CHRM3: variants seen among roughly 807,000 people sequenced by gnomAD.
CHRM3 encodes muscarinic acetylcholine receptor M3.
Under a neutral mutation model 41.8 loss-of-function variants are expected in CHRM3, and 11 were observed. That is an observed-to-expected ratio of 0.26 (90% confidence interval 0.17 to 0.44). CHRM3 has a LOEUF of 0.44. Ranked by LOEUF, CHRM3 falls within the 20% of genes least tolerant of loss-of-function variation. The pLI is 1.00. For synonymous variants in CHRM3, 297 were observed against 301.4 expected, an observed-to-expected ratio of 0.99 and a Z score of 0.15; for missense variants, 571 against 745.4, an observed-to-expected ratio of 0.77 and a Z score of 2.72.
At chr1:239,610,099 A>C (rs1214344967) in intron 3 of CHRM3, among the ~76,000 whole-genome samples, 2 of 148,210 alleles carry the variant, frequency 1.3e-5, no homozygotes, top group East Asian at 4.2e-4. Flanking sequence ...AGGCTGAGGC[A>C]GGAGAATGGC....
At chr1:239,903,023 T>C (rs1679700966) in intron 6 of CHRM3, among the ~76,000 whole-genome samples, 1 of 152,208 alleles carries the variant, frequency 6.6e-6, no homozygotes, top group Non-Finnish European at 1.5e-5. Flanking sequence ...CAATGGTAGA[T>C]ATGACAAAGA....
intron 5 of CHRM3, among the ~76,000 whole-genome samples, chr1:239,721,709 A>G (rs1443950450): frequency 6.6e-6 from 1 of 151,952 alleles, no homozygotes; most frequent in Admixed American, 6.6e-5. Context: ...GGAATAGCCA[A>G]TAGGTATTAT....
rs929457862 is a variant in CHRM3, at chr1:239,908,009, T to C, written c.558T>C (p.Gly186=). ...YRAKRTTKRA[G]VMIGLAWVIS... ...CCAAACGAACAACAAAGAGAGCCGG[T>C]GTGATGATCGGTCTGGCTTGGGTCA... Residue 186 remains glycine (G), a synonymous_variant, in exon 7 of 7, where the codon GGT becomes GGC. Coordinates refer to ENST00000676153, the MANE Select transcript of CHRM3 (RefSeq NM_001375978.1). The surrounding 1 kb of genome is among the most constrained non-coding windows in gnomAD (Gnocchi z 7.2). 36 of 1,614,118 alleles carry C rather than the reference T, an allele frequency of 2.2e-5. No homozygotes were observed. Among genetic ancestry groups the C allele is most frequent in the Non-Finnish European group, 2.5e-5 (29 of 1,180,024 alleles).
At chr1:239,617,456 A>G (rs991343116) in intron 3 of CHRM3, among the ~76,000 whole-genome samples, 4 of 152,022 alleles carry the variant, frequency 2.6e-5, no homozygotes, top group Admixed American at 2.6e-4. Context: ...CAGGCGTGGG[A>G]GCTCACACCT....
At chr1:239,444,675 T>C (rs796425592) in intron 1 of CHRM3, among the ~76,000 whole-genome samples, 6 of 152,156 alleles carry the variant, frequency 3.9e-5, no homozygotes, top group African/African-American at 1.4e-4. Context: ...CAAAAGTAAT[T>C]GAAAGTAATG....
intron 6 of CHRM3, among the ~76,000 whole-genome samples, chr1:239,850,568 A>G (rs944343824): frequency 5.9e-5 from 9 of 152,330 alleles, no homozygotes; most frequent in Middle Eastern, 6.8e-3. Flanking sequence ...CCAGTCATCT[A>G]TGAAGAGTAG....
intron 1 of CHRM3, among the ~76,000 whole-genome samples, chr1:239,436,175 T>C (rs1329618219): frequency 6.6e-6 from 1 of 152,178 alleles, no homozygotes; most frequent in Non-Finnish European, 1.5e-5. Flanking sequence ...TTTAGCATTA[T>C]AGAAGACAGT....
chr1:239,409,531 T>G (rs925017962), intron 1 of CHRM3, among the ~76,000 whole-genome samples: 3 of 152,200 alleles, frequency 2.0e-5, no homozygotes, highest in African/African-American at 7.2e-5. Context: ...CTTTGGGCTC[T>G]GAATAGAATC....
chr1:239,761,051 C>CT (rs1311156508), intron 5 of CHRM3, among the ~76,000 whole-genome samples: 8 of 151,940 alleles, frequency 5.3e-5, no homozygotes, highest in South Asian at 2.1e-4. Flanking sequence ...CCACTGCTCA[C>CT]TTTTTTTTAA....
At chr1:239,552,893 A>G (rs1026605784) in intron 3 of CHRM3, among the ~76,000 whole-genome samples, 3 of 152,014 alleles carry the variant, frequency 2.0e-5, no homozygotes, top group South Asian at 2.1e-4. Context: ...TCGAAGATGA[A>G]CATTTCTGGA....
intron 3 of CHRM3, among the ~76,000 whole-genome samples, chr1:239,548,991 G>C (rs1659549506): frequency 6.6e-6 from 1 of 152,132 alleles, no homozygotes; most frequent in South Asian, 2.1e-4. Context: ...TATGTGGCTG[G>C]GGAGGCCTCA....
chr1:239,845,549 G>GTAGTTC (rs1674193261), intron 6 of CHRM3, among the ~76,000 whole-genome samples: 1 of 152,172 alleles, frequency 6.6e-6, no homozygotes, highest in Admixed American at 6.6e-5. Context: ...GCTGTGGCGT[G>GTAGTTC]TCACCCGCCC....
intron 3 of CHRM3, among the ~76,000 whole-genome samples, chr1:239,594,612 A>T (rs748076959): frequency 6.6e-6 from 1 of 152,176 alleles, no homozygotes; most frequent in African/African-American, 2.4e-5. Context: ...GCAATTTCAG[A>T]TACATTTTGG....
At chr1:239,525,747 A>AT (rs1157909588) in intron 2 of CHRM3, among the ~76,000 whole-genome samples, 7 of 152,180 alleles carry the variant, frequency 4.6e-5, no homozygotes, top group Non-Finnish European at 7.3e-5. Flanking sequence ...GCAGTGATGC[A>AT]TTTTTTCCAC....
chr1:239,892,908 A>C (rs2102954435), intron 6 of CHRM3, among the ~76,000 whole-genome samples: 1 of 152,348 alleles, frequency 6.6e-6, no homozygotes, highest in Admixed American at 6.5e-5. Context: ...TGCACTGAAT[A>C]GGAAAGATGT....
chr1:239,606,831 A>T (rs1666358274), intron 3 of CHRM3, among the ~76,000 whole-genome samples: 1 of 152,174 alleles, frequency 6.6e-6, no homozygotes, highest in South Asian at 2.1e-4. Context: ...GAAACTTCTA[A>T]ATGGTCTCTT....
At chr1:239,559,188 G>T (rs936000437) in intron 3 of CHRM3, among the ~76,000 whole-genome samples, 1 of 152,102 alleles carries the variant, frequency 6.6e-6, no homozygotes, top group Admixed American at 6.6e-5. Flanking sequence ...CTGTGAAAAG[G>T]TCATACTAGC....
intron 1 of CHRM3, among the ~76,000 whole-genome samples, chr1:239,485,749 T>G (rs1272171240): frequency 1.3e-5 from 2 of 152,162 alleles, no homozygotes; most frequent in Non-Finnish European, 2.9e-5. Flanking sequence ...AAATTTTCAG[T>G]GAGCCCTTTT....
At chr1:239,813,096 G>A (rs562691844) in intron 5 of CHRM3, among the ~76,000 whole-genome samples, 3 of 152,172 alleles carry the variant, frequency 2.0e-5, no homozygotes, top group South Asian at 2.1e-4. Context: ...TGGCCAATAC[G>A]GTGAAACCTC....
Sources: allele counts gnomAD v4.1 joint callset (sites outside exome capture counted in the v4.1 genomes callset), GRCh38; gene constraint gnomAD v4.1.1; non-coding constraint Gnocchi (gnomAD v3.1); transcripts MANE v1.5; gene names NCBI Gene and HGNC (gene_info 2026-07-23, HGNC 2026-07-21).